Variants in PTCSC3 observed in about 807,000 individuals in gnomAD.
PTCSC3 encodes papillary thyroid carcinoma susceptibility candidate 3 (non-protein coding).
intron 3 of PTCSC3, among the ~76,000 whole-genome samples, chr14:36,138,288 A>G (rs1310843529): frequency 1.3e-5 from 2 of 152,236 alleles, no homozygotes; most frequent in Non-Finnish European, 2.9e-5. Flanking sequence ...AAACAGAAGA[A>G]TATGTCCTTG....
chr14:36,150,376 G>A (rs561303678), intron 3 of PTCSC3, among the ~76,000 whole-genome samples: 2 of 152,220 alleles, frequency 1.3e-5, no homozygotes, highest in East Asian at 1.9e-4. Flanking sequence ...CTGAAACAAG[G>A]TACCATCTAT....
intron 3 of PTCSC3, among the ~76,000 whole-genome samples, chr14:36,147,443 A>G (rs993812530): frequency 6.6e-6 from 1 of 151,942 alleles, no homozygotes. Flanking sequence ...CCTTTCTTCC[A>G]GTTGATCGCA....
chr14:36,175,088 C>T (rs879158644), intron 1 of PTCSC3, among the ~76,000 whole-genome samples: 1 of 152,178 alleles, frequency 6.6e-6, no homozygotes, highest in Admixed American at 6.5e-5. Flanking sequence ...GGTCCTCTCT[C>T]TCTACATAGC....
At chr14:36,136,937 T>C (rs1881301702) in intron 3 of PTCSC3, among the ~76,000 whole-genome samples, 1 of 152,228 alleles carries the variant, frequency 6.6e-6, no homozygotes, top group Admixed American at 6.5e-5. Context: ...TTATTCTTGC[T>C]ATTGAGAATA....
intron 2 of PTCSC3, among the ~76,000 whole-genome samples, chr14:36,159,511 A>G (rs1594453066): frequency 6.6e-6 from 1 of 152,314 alleles, no homozygotes; most frequent in Middle Eastern, 3.4e-3. Flanking sequence ...TTTACCCAGT[A>G]GTCATTCAGG....
At chr14:36,165,706 G>T in intron 1 of PTCSC3, among the ~76,000 whole-genome samples, 1 of 145,636 alleles carries the variant, frequency 6.9e-6, no homozygotes, top group African/African-American at 2.5e-5. Flanking sequence ...GGTATTTCCT[G>T]ATCTATTTAT....
intron 3 of PTCSC3, among the ~76,000 whole-genome samples, chr14:36,150,642 T>C (rs1247677457): frequency 6.6e-6 from 1 of 152,216 alleles, no homozygotes; most frequent in African/African-American, 2.4e-5. Context: ...TTGATTTTAA[T>C]TGAGCATTTT....
chr14:36,150,503 G>A (rs1230982568), intron 3 of PTCSC3, among the ~76,000 whole-genome samples: 1 of 152,186 alleles, frequency 6.6e-6, no homozygotes, highest in African/African-American at 2.4e-5. Flanking sequence ...TCAGTTTATA[G>A]TATTTTGTTA....
At chr14:36,162,924 A>G (rs1252740709) in intron 1 of PTCSC3, among the ~76,000 whole-genome samples, 1 of 152,180 alleles carries the variant, frequency 6.6e-6, no homozygotes, top group Non-Finnish European at 1.5e-5. Context: ...AAGTGTTTTT[A>G]AGCTTTCCAA....
rs151146246 is a variant in PTCSC3 at position 36,172,304 on chromosome 14, C to T, written n.171+3994G>A. ...TATTTATTGTGCTCATCTACTCTGC[C>T]AACTAAAAATATAGGATTTTAATTT... On this transcript the variant is annotated intron_variant and non_coding_transcript_variant, in intron 1 of 3. Transcript: ENST00000556013. Among the ~76,000 whole-genome samples, 31 of 152,102 alleles carry T rather than the reference C, an allele frequency of 2.0e-4. No homozygotes were observed. The East Asian group carries it at 5.8e-3, about 28-fold the overall frequency.
At chr14:36,170,703 T>A (rs1020142953) in intron 1 of PTCSC3, among the ~76,000 whole-genome samples, 16 of 152,060 alleles carry the variant, frequency 1.1e-4, no homozygotes, top group Non-Finnish European at 1.8e-4. Flanking sequence ...GACTCAAAAA[T>A]TTTTTTAACA....
At chr14:36,161,327 T>C (rs1487893872) in intron 2 of PTCSC3, among the ~76,000 whole-genome samples, 4 of 152,204 alleles carry the variant, frequency 2.6e-5, no homozygotes, top group Non-Finnish European at 1.5e-5. Flanking sequence ...TTTCAGTCTT[T>C]TTGTGCTGGT....
rs567707078 is a variant in PTCSC3 at position 36,152,473 on chromosome 14, C to T, written n.322+1331G>A. ...ATAATGAGATCCCATCAAAAAAAGGCATCAAAATAGTGAAAATAAAACCAC... is the reference window on the plus strand; with the variant it reads ...ATAATGAGATCCCATCAAAAAAAGGTATCAAAATAGTGAAAATAAAACCAC... On this transcript the variant is annotated intron_variant and non_coding_transcript_variant, in intron 3 of 3. Transcript: ENST00000556013. 1.1e-4 allele frequency among the ~76,000 whole-genome samples: 17 copies of T among 151,038 alleles called. No homozygotes were observed. In the South Asian group the frequency reaches 1.7e-3, roughly 15 times the overall value.
rs1040467472 is a variant in PTCSC3, at chr14:36,136,263, ACAC to A, written n.413_415del. On this transcript the variant is annotated non_coding_transcript_exon_variant, in exon 4 of 4. Coordinates refer to ENST00000556013, the Ensembl canonical transcript of PTCSC3. ...CTCCTTTGGCAACACCCTCACAGAC[ACAC>A]CCAGGAACAATACTTTGCATCCTTC... 1.2e-4 allele frequency: 19 copies of A among 152,474 alleles called. 1 individual carries two copies. The highest frequency in any genetic ancestry group is 4.6e-4 in the African/African-American group (19 of 41,414). The allele number at this position is 152,474 out of a possible 1,614,324, so 9.4% of individuals were successfully genotyped here. A position where few individuals can be genotyped will look rare whatever the true frequency, so the allele number is the denominator to read the frequency against.
intron 1 of PTCSC3, among the ~76,000 whole-genome samples, chr14:36,165,976 ACAGT>A (rs994656429): frequency 2.6e-5 from 4 of 152,206 alleles, no homozygotes; most frequent in African/African-American, 4.8e-5. Flanking sequence ...TCTTTTAAAT[ACAGT>A]CAGAGGCATT....
chr14:36,165,340 C>T (rs992964899), intron 1 of PTCSC3: 9 of 152,164 alleles, frequency 5.9e-5, no homozygotes, highest in Non-Finnish European at 1.3e-4. Context: ...TGTCCCTCCC[C>T]TAAGGTTAGG....
At chr14:36,167,107 C>T (rs1882103812) in intron 1 of PTCSC3, among the ~76,000 whole-genome samples, 1 of 152,154 alleles carries the variant, frequency 6.6e-6, no homozygotes, top group Non-Finnish European at 1.5e-5. Flanking sequence ...GATGTTAGAA[C>T]AAGCACATTT....
At chr14:36,158,828 G>A (rs1157690000) in intron 2 of PTCSC3, among the ~76,000 whole-genome samples, 1 of 152,182 alleles carries the variant, frequency 6.6e-6, no homozygotes, top group Admixed American at 6.5e-5. Context: ...AGAAGGAACA[G>A]TACAAGCACC....
chr14:36,169,855 C>G (rs918767605), intron 1 of PTCSC3, among the ~76,000 whole-genome samples: 1 of 152,206 alleles, frequency 6.6e-6, no homozygotes, highest in Non-Finnish European at 1.5e-5. Flanking sequence ...ACAGAAGATA[C>G]AACAATCCTT....
Sources: allele counts gnomAD v4.1 joint callset (sites outside exome capture counted in the v4.1 genomes callset), GRCh38; gene constraint gnomAD v4.1.1; transcripts MANE v1.5; gene names NCBI Gene and HGNC (gene_info 2026-07-23, HGNC 2026-07-21).